Variants in AVIL observed in about 807,000 individuals in gnomAD.
AVIL encodes advillin.
Under a neutral mutation model 109.9 loss-of-function variants are expected in AVIL, and 78 were observed. The observed-to-expected ratio is 0.71, with a 90% confidence interval of 0.59 to 0.86. AVIL has a LOEUF of 0.86. AVIL is among the 40% of genes least tolerant of loss of function. AVIL has a pLI of 0.00. For synonymous variants in AVIL, 367 were observed against 379.1 expected (o/e 0.97, Z 0.37); for missense variants, 892 against 1,016.5 (o/e 0.88, Z 1.67).
In AVIL at chr12:57,811,002, G is replaced by C; in HGVS notation, c.447+17C>G. 6.2e-7 allele frequency: 1 copy of C among 1,614,094 alleles called. No homozygotes were observed. The highest frequency in any genetic ancestry group is 8.5e-7 in the Non-Finnish European group (1 of 1,179,930). ...GGAGAAGCCCCGGGCCTGGGGCAGA[G>C]AGTGTGCAGGACTAACCTCGGTAGC... On this transcript the variant is annotated intron_variant, in intron 5 of 19. Transcript: ENST00000549994.
At position 57,806,548 on chromosome 12, in the gene AVIL, A is replaced by G. The variant is rs745314355; in HGVS notation, c.1492-9T>C. ...TTCCTGGAAGTCCCACCCTAGAGAGAAGAAAAGCAGAGTCCAGATCTAAGG... is the reference window on the plus strand; with the variant it reads ...TTCCTGGAAGTCCCACCCTAGAGAGGAGAAAAGCAGAGTCCAGATCTAAGG... On this transcript the variant is annotated splice_polypyrimidine_tract_variant and intron_variant, in intron 13 of 19. Coordinates refer to ENST00000549994, the MANE Select transcript of AVIL (RefSeq NM_006576.4). 3.1e-5 allele frequency: 50 copies of G among 1,613,704 alleles called. No individual in the cohort carries two copies. Among genetic ancestry groups the G allele is most frequent in the Non-Finnish European group, 3.9e-5 (46 of 1,179,898 alleles).
At chr12:57,816,104 A>G in intron 1 of AVIL, 45 bp from the exon 2 acceptor site, 5 of 1,505,828 alleles carry the variant, frequency 3.3e-6, no homozygotes, top group Non-Finnish European at 4.5e-6. Flanking sequence ...CTCTTGCCAT[A>G]GTGGGCATCA....
At chr12:57,798,428 T>C (rs2140432578) in intron 19 of AVIL, among the ~76,000 whole-genome samples, 1 of 152,300 alleles carries the variant, frequency 6.6e-6, no homozygotes, top group Middle Eastern at 3.4e-3. Context: ...AAAATTCTTC[T>C]ACACATTTAC....
At chr12:57,815,624 T>C in intron 2 of AVIL, 30 of 1,309,212 alleles carry the variant, frequency 2.3e-5, no homozygotes, top group Non-Finnish European at 2.9e-5. Context: ...GGAAGACATG[T>C]TCCATTTCTC....
At chr12:57,799,087 GAAC>G (rs1409488534) in intron 19 of AVIL, among the ~76,000 whole-genome samples, 1 of 152,192 alleles carries the variant, frequency 6.6e-6, no homozygotes, top group Non-Finnish European at 1.5e-5. Context: ...AATAGGCAAT[GAAC>G]AAGTATAAAG....
chr12:57,798,541 CATT>C (rs1955781379), intron 19 of AVIL, among the ~76,000 whole-genome samples: 1 of 152,014 alleles, frequency 6.6e-6, no homozygotes, highest in Non-Finnish European at 1.5e-5. Flanking sequence ...CTAGATAAGA[CATT>C]GTGGGAAATC....
In AVIL at chr12:57,803,242, CTTA is replaced by C. The variant is rs1381178443; in HGVS notation, c.1962+2_1962+4del. The stretch of plus-strand genomic sequence containing the variant: ...CATGTTCTGACTTCTGCAGCTGTGT[CTTA>C]CCTGGTCCCAGGTATCTAGGAGCAT... On this transcript the variant is annotated splice_donor_variant and splice_donor_region_variant and intron_variant, in intron 16 of 19. Transcript: ENST00000549994. LOFTEE classifies it high-confidence loss of function. The C allele has an allele frequency of 6.2e-7, 1 of 1,613,902 alleles. No individual in the cohort carries two copies. Among genetic ancestry groups the C allele is most frequent in the East Asian group, 2.2e-5 (1 of 44,894 alleles).
intron 1 of AVIL, among the ~76,000 whole-genome samples, chr12:57,818,182 C>CTTTGTTTTTTTTT (rs1956120034): frequency 2.8e-5 from 1 of 35,256 alleles, no homozygotes; most frequent in Non-Finnish European, 5.3e-5. Flanking sequence ...CCATGCTTGG[C>CTTTGTTTTTTTTT]TTTTTTTTTT....
chr12:57,803,314 T>G lies in AVIL; in HGVS notation c.1895A>C (p.Glu632Ala). The change falls in exon 16 of 20, where the codon GAG becomes GCG. Residue 632 changes from glutamate (E) to alanine (A), a missense_variant. Physicochemically the swap from Glu to Ala is moderately radical, Grantham distance 107. Transcript: ENST00000549994. The stretch of plus-strand genomic sequence containing the variant: ...GTCATCCTGGGTGAAGTCTGTGATC[T>G]CAGTGACAACGAATTGGCCGGTCTT... ...SNKTGQFVVTEITDFTQDDLN... is the reference protein window; with the variant it reads ...SNKTGQFVVTAITDFTQDDLN... 3 of 1,614,202 alleles carry G rather than the reference T, an allele frequency of 1.9e-6. No homozygotes were observed. The highest frequency in any genetic ancestry group is 2.5e-6 in the Non-Finnish European group (3 of 1,180,038).
chr12:57,815,457 G>T, intron 2 of AVIL: 1 of 665,820 alleles, frequency 1.5e-6, no homozygotes. Flanking sequence ...CTGGCAGGTG[G>T]AGCTACCCAG....
At chr12:57,814,478 A>C (rs1956076960) in intron 2 of AVIL, 4 of 464,422 alleles carry the variant, frequency 8.6e-6, no homozygotes, top group Admixed American at 6.8e-5. Context: ...CCTATTCTCC[A>C]CTCTACTTCC....
chr12:57,810,267 G>A, intron 7 of AVIL, 82 bp downstream of exon 7: 1 of 1,464,014 alleles, frequency 6.8e-7, no homozygotes, highest in Non-Finnish European at 9.4e-7. Context: ...AAAACAAGGA[G>A]CCAAGCAGAG....
chr12:57,812,793 T>C (rs182538674), intron 4 of AVIL, among the ~76,000 whole-genome samples: 110 of 152,342 alleles, frequency 7.2e-4, no homozygotes, highest in African/African-American at 2.6e-3. Context: ...TGCTTCTGGC[T>C]ACTGCATAAT....
chr12:57,803,752 C>T (rs1015900391), intron 14 of AVIL, 83 bp from the exon 15 acceptor site: 4 of 1,531,558 alleles, frequency 2.6e-6, no homozygotes, highest in Admixed American at 1.8e-5. Context: ...AGACTAATAA[C>T]TCAGTGTGCC....
chr12:57,804,572 G>T (rs915408443), intron 14 of AVIL, among the ~76,000 whole-genome samples: 8 of 152,172 alleles, frequency 5.3e-5, no homozygotes, highest in Admixed American at 2.6e-4. Flanking sequence ...AGCACTTTGG[G>T]AGGCTGAGGC....
intron 14 of AVIL, among the ~76,000 whole-genome samples, chr12:57,804,589 A>T (rs189189426): frequency 6.6e-6 from 1 of 152,176 alleles, no homozygotes; most frequent in African/African-American, 2.4e-5. Context: ...AGGCAGGTGG[A>T]TCACCTGAGG....
In AVIL at chr12:57,818,182, C is replaced by CTTTTTTTTTTTTTTTTTTTTTTTTTT. The variant is rs66731427; in HGVS notation, c.-20+421_-20+446dup. ...CACAGGTGTGCACCACCATGCTTGG[C>CTTTTTTTTTTTTTTTTTTTTTTTTTT]TTTTTTTTTTTTTTTTTTTTTTTTT... On this transcript the variant is annotated intron_variant, in intron 1 of 19. Transcript: ENST00000549994. Among the ~76,000 whole-genome samples, 3 of 35,272 alleles carry CTTTTTTTTTTTTTTTTTTTTTTTTTT rather than the reference C, an allele frequency of 8.5e-5. 1 individual carries two copies. Among genetic ancestry groups the CTTTTTTTTTTTTTTTTTTTTTTTTTT allele is most frequent in the Non-Finnish European group, 1.6e-4 (3 of 18,988 alleles). The allele number at this position is 35,272 out of a possible 152,430, so 23.1% of individuals were successfully genotyped here.
chr12:57,811,326 A>G (rs1956035605), intron 4 of AVIL, among the ~76,000 whole-genome samples, 199 bp from the exon 5 acceptor site: 1 of 152,162 alleles, frequency 6.6e-6, no homozygotes, highest in African/African-American at 2.4e-5. Flanking sequence ...GTCTTCTCTG[A>G]AGAAATGACA....
chr12:57,808,217 C>A lies in AVIL; in HGVS notation c.1171G>T (p.Asp391Tyr). 2 of 1,614,182 alleles carry A rather than the reference C, an allele frequency of 1.2e-6. No homozygotes were observed. Among genetic ancestry groups the A allele is most frequent in the Non-Finnish European group, 1.7e-6 (2 of 1,180,024 alleles). ...ACCTCAACTTTTCCGTTGCCATCAT[C>A]GACCATTCTTTCCTGGGCAGCTACC... ...PEVAAQERMV[D>Y]DGNGKVEVWR... Residue 391 changes from aspartate to tyrosine, a missense_variant, in exon 11 of 20, where the codon GAT becomes TAT. Physicochemically the swap from Asp to Tyr is radical, Grantham distance 160 (BLOSUM62 -3). Transcript: ENST00000549994.
Sources: allele counts gnomAD v4.1 joint callset (sites outside exome capture counted in the v4.1 genomes callset), GRCh38; gene constraint gnomAD v4.1.1; transcripts MANE v1.5; gene names NCBI Gene and HGNC (gene_info 2026-07-23, HGNC 2026-07-21).